AFDN: variants seen among roughly 807,000 people sequenced by gnomAD.
AFDN encodes the protein afadin, adherens junction formation factor, also known as afadin.
AFDN carries 68 observed loss-of-function variants against 216.6 expected under a neutral mutation model. That is an observed-to-expected ratio of 0.31 (90% CI 0.26 to 0.38). The LOEUF is 0.38. Among genes scored for constraint, AFDN ranks in the 10% least tolerant of loss-of-function variants. The pLI, the probability that AFDN is intolerant of heterozygous loss-of-function variation, is 1.00. For synonymous variants in AFDN, 868 were observed against 853.7 expected, an observed-to-expected ratio of 1.02 and a Z score of -0.29; for missense variants, 2,136 against 2,342.0, an observed-to-expected ratio of 0.91 and a Z score of 1.82.
intron 1 of AFDN, among the ~76,000 whole-genome samples, chr6:167,843,446 A>T (rs1277363454): frequency 1.3e-5 from 2 of 152,212 alleles, no homozygotes; most frequent in Non-Finnish European, 2.9e-5. Flanking sequence ...GTACATTGTT[A>T]ATGCACTTAA....
rs770679618 is a variant in AFDN, at chr6:167,952,180, G to A, written c.4826G>A (p.Arg1609Lys). 11 of 1,614,018 alleles carry A rather than the reference G, an allele frequency of 6.8e-6. No individual in the cohort carries two copies. The highest frequency in any genetic ancestry group is 1.3e-5 in the African/African-American group (1 of 74,940). ...LIMQRLEAERRARLQDEERRR... is the reference protein window; with the variant it reads ...LIMQRLEAERKARLQDEERRR... ...ATGCAGCGCCTGGAGGCTGAACGAA[G>A]AGCGAGGGTAAAGGGGGGAGTGCTT... is the stretch of plus-strand genomic sequence containing the variant. Residue 1609 changes from arginine to lysine, a missense_variant, in exon 30 of 34, where the codon AGA becomes AAA. By Grantham distance (26) the Arg-to-Lys change is conservative. Around this residue, in one of 8 missense-constraint regions of AFDN, gnomAD observed 981 missense variants for 966.0 expected, o/e 1.02. Transcript: ENST00000683244.
chr6:167,827,640 T>A (rs940062990), intron 1 of AFDN: 3 of 149,198 alleles, frequency 2.0e-5, no homozygotes, highest in Non-Finnish European at 4.5e-5. Flanking sequence ...CGGTTGTGGC[T>A]CGCGGCGCCC....
At chr6:167,954,613 G>A (rs1796318360) in intron 30 of AFDN, 2 of 691,666 alleles carry the variant, frequency 2.9e-6, no homozygotes, top group East Asian at 3.0e-5. Flanking sequence ...CCTCCATCAG[G>A]AGATGGAGTC....
intron 29 of AFDN, among the ~76,000 whole-genome samples, chr6:167,949,279 G>A (rs568661225): frequency 2.6e-5 from 4 of 152,294 alleles, no homozygotes; most frequent in African/African-American, 7.2e-5. Flanking sequence ...GATCGCAGAC[G>A]CTCTAGGAAT....
chr6:167,931,463 G>C (rs888808926), intron 23 of AFDN, among the ~76,000 whole-genome samples: 2 of 152,098 alleles, frequency 1.3e-5, no homozygotes, highest in African/African-American at 4.8e-5. Context: ...TAGATGCTCT[G>C]AAGGAAATAA....
chr6:167,947,129 T>C (rs1795360373), intron 27 of AFDN, among the ~76,000 whole-genome samples: 2 of 152,158 alleles, frequency 1.3e-5, no homozygotes. Flanking sequence ...ATAACATCTC[T>C]ATTTGGGGTT....
chr6:167,868,008 G>A (rs145392026), intron 2 of AFDN, among the ~76,000 whole-genome samples: 52 of 152,174 alleles, frequency 3.4e-4, no homozygotes, highest in African/African-American at 1.1e-3. Flanking sequence ...CCCTTGTGCC[G>A]TCACCATGCT....
intron 1 of AFDN, among the ~76,000 whole-genome samples, chr6:167,828,713 T>TA (rs201639404): frequency 0.01 from 1,534 of 151,696 alleles, 39 homozygotes; most frequent in African/African-American, 0.035. Context: ...TATCACAAGG[T>TA]AAAAAAAGTT....
chr6:167,868,972 T>C (rs62427677), intron 2 of AFDN, among the ~76,000 whole-genome samples: 133,694 of 151,008 alleles, frequency 0.89, 59,377 homozygotes, highest in Non-Finnish European at 0.92. Context: ...AATCGGATCT[T>C]GCCATGTTGC....
intron 23 of AFDN, among the ~76,000 whole-genome samples, chr6:167,941,660 AGGGTGG>A: frequency 2.2e-5 from 1 of 45,406 alleles, no homozygotes; most frequent in Non-Finnish European, 3.8e-5. Context: ...TGTAGGGGTG[AGGGTGG>A]AAACCATCCA....
rs528899590 is a variant in AFDN at position 167,937,273 on chromosome 6, G to A, written c.3100-5856G>A. On this transcript the variant is annotated intron_variant, in intron 23 of 33. Transcript: ENST00000683244. ...ACTTGCACATTGTTTTGTCTTCTGT[G>A]TCTAAGAGTATTTTCAAAATATATT... Among the ~76,000 whole-genome samples, 11 of 152,274 alleles carry A rather than the reference G, an allele frequency of 7.2e-5. No homozygotes were observed. The South Asian group carries it at 2.3e-3, about 32-fold the overall frequency.
intron 22 of AFDN, among the ~76,000 whole-genome samples, chr6:167,923,452 A>G (rs1237162390): frequency 2.0e-5 from 3 of 152,140 alleles, no homozygotes; most frequent in African/African-American, 7.2e-5. Flanking sequence ...TTTTAAACAC[A>G]AACAGGAATT....
intron 2 of AFDN, among the ~76,000 whole-genome samples, chr6:167,869,947 A>G (rs983838548): frequency 2.6e-5 from 4 of 152,204 alleles, no homozygotes; most frequent in African/African-American, 7.2e-5. Context: ...GGCTGCTGCC[A>G]TCGCTTTGTG....
At chr6:167,863,938 A>G (rs565083447) in intron 1 of AFDN, 3 of 362,248 alleles carry the variant, frequency 8.3e-6, no homozygotes, top group African/African-American at 6.3e-5. Context: ...AAAACCCACA[A>G]TTTTGCACCA....
At chr6:167,919,165 T>C (rs1791478589) in intron 21 of AFDN, among the ~76,000 whole-genome samples, 1 of 152,264 alleles carries the variant, frequency 6.6e-6, no homozygotes, top group South Asian at 2.1e-4. Flanking sequence ...GCATCTGCTC[T>C]GCGCACTTGA....
intron 12 of AFDN, 81 bp from the exon 13 acceptor site, chr6:167,907,090 G>C (rs1278128799): frequency 2.0e-6 from 2 of 1,023,072 alleles, no homozygotes; most frequent in South Asian, 2.9e-5. Flanking sequence ...CCCTGTATCA[G>C]ATCTCTGCTT....
intron 23 of AFDN, among the ~76,000 whole-genome samples, chr6:167,942,011 G>C (rs1457190659): frequency 1.3e-5 from 2 of 152,240 alleles, no homozygotes; most frequent in Non-Finnish European, 2.9e-5. Context: ...TTTAAAATGA[G>C]ATATGTAATG....
At chr6:167,904,732 G>C (rs1243273497) in intron 12 of AFDN, among the ~76,000 whole-genome samples, 1 of 152,164 alleles carries the variant, frequency 6.6e-6, no homozygotes, top group South Asian at 2.1e-4. Context: ...TCTGCATGCA[G>C]GGGTTCGTTC....
At chr6:167,859,004 C>G (rs1295711699) in intron 1 of AFDN, among the ~76,000 whole-genome samples, 2 of 149,770 alleles carry the variant, frequency 1.3e-5, no homozygotes, top group Non-Finnish European at 2.9e-5. Flanking sequence ...GCTAGGAAGA[C>G]GGTTTCTTGG....
Sources: allele counts gnomAD v4.1 joint callset (sites outside exome capture counted in the v4.1 genomes callset), GRCh38; gene constraint gnomAD v4.1.1; regional missense constraint gnomAD v4.1.1; transcripts MANE v1.5; gene names NCBI Gene and HGNC (gene_info 2026-07-23, HGNC 2026-07-21).